The following TJP3 variants were observed in gnomAD, a reference collection of about 807,000 sequenced individuals.
TJP3 encodes the protein tight junction protein ZO-3.
Under a neutral mutation model 104.2 loss-of-function variants are expected in TJP3, and 85 were observed. The ratio of observed to expected loss-of-function variants is 0.82; its 90% CI spans 0.68 to 0.98. The LOEUF is 0.98. Ranked by LOEUF, TJP3 falls within the 50% of genes least tolerant of loss-of-function variation. The pLI, the probability that TJP3 is intolerant of heterozygous loss-of-function variation, is 0.00. For synonymous variants in TJP3, 550 were observed against 550.6 expected, an observed-to-expected ratio of 1.00 and a Z score of 0.02; for missense variants, 1,367 against 1,322.8, an observed-to-expected ratio of 1.03 and a Z score of -0.52.
chr19:3,736,170 G>T lies in TJP3; in HGVS notation c.1133G>T (p.Ser378Ile). 6.3e-7 allele frequency: 1 copy of T among 1,590,360 alleles called. No homozygotes were observed. Among genetic ancestry groups the T allele is most frequent in the East Asian group, 2.2e-5 (1 of 44,610 alleles). Residue 378 changes from serine to isoleucine, a missense_variant, in exon 11 of 21, where the codon AGC becomes ATC. Coordinates refer to ENST00000541714, the MANE Select transcript of TJP3 (RefSeq NM_001267560.2). ...SSQSMEDRGY[S>I]PDTRVVRFLK... is the part of the protein sequence containing the mutation. Reference sequence around the variant, plus strand: ...ATCTCTGCCTCCCCTTGCAGGTACAGCCCCGACACGCGTGTGGTCCGCTTC... The same window carrying T: ...ATCTCTGCCTCCCCTTGCAGGTACATCCCCGACACGCGTGTGGTCCGCTTC...
In TJP3 at chr19:3,737,983, G is replaced by T. The variant is rs193174254; in HGVS notation, c.1285-572G>T. On this transcript the variant is annotated intron_variant, in intron 11 of 20. Transcript: ENST00000541714. ...TATATTGCTGTCCATGTCATGACCC[G>T]GAGAGCAGGTGGCTGTATATTGCTG... is the stretch of plus-strand genomic sequence containing the variant. 4.0e-4 allele frequency among the ~76,000 whole-genome samples: 59 copies of T among 148,702 alleles called. 1 individual carries two copies. Among genetic ancestry groups the T allele is most frequent in the African/African-American group, 1.3e-3 (52 of 39,640 alleles).
intron 1 of TJP3, among the ~76,000 whole-genome samples, chr19:3,723,808 A>AATATATAT (rs201031463): frequency 7.8e-6 from 1 of 128,938 alleles, no homozygotes; most frequent in Admixed American, 7.9e-5. Context: ...AAAAAAAAAA[A>AATATATAT]ATATATATAT....
intron 1 of TJP3, among the ~76,000 whole-genome samples, chr19:3,728,059 G>T (rs533096076): frequency 6.6e-6 from 1 of 152,234 alleles, no homozygotes; most frequent in East Asian, 1.9e-4. Context: ...GGCCAATGTG[G>T]TGAAACCCTA....
intron 20 of TJP3, 81 bp downstream of exon 20, chr19:3,750,265 G>A: frequency 6.3e-7 from 1 of 1,582,504 alleles, no homozygotes; most frequent in Non-Finnish European, 8.7e-7. Context: ...CTAGATCCAA[G>A]CTATGCCTTC....
intron 1 of TJP3, among the ~76,000 whole-genome samples, chr19:3,723,129 G>A (rs1015845894): frequency 2.6e-5 from 4 of 152,212 alleles, no homozygotes; most frequent in Non-Finnish European, 5.9e-5. Context: ...CCCTAAGGGG[G>A]CCTGGTCCTA....
At chr19:3,748,470 C>T (rs2036937939) in intron 19 of TJP3, among the ~76,000 whole-genome samples, 1 of 151,540 alleles carries the variant, frequency 6.6e-6, no homozygotes, top group African/African-American at 2.4e-5. Context: ...CGGGGTTTCA[C>T]CATTGGTCAG....
intron 1 of TJP3, among the ~76,000 whole-genome samples, chr19:3,722,311 T>C: frequency 6.6e-6 from 1 of 152,154 alleles, no homozygotes. Context: ...TTTTAAGAGC[T>C]TGGCGCATCG....
chr19:3,747,951 G>T lies in TJP3; in HGVS notation c.2480G>T (p.Gly827Val). Residue 827 changes from glycine (G) to valine (V), a missense_variant, in exon 19 of 21, where the codon GGG (glycine) becomes GTG (valine). Coordinates refer to ENST00000541714, the MANE Select transcript of TJP3 (RefSeq NM_001267560.2). ...GGCGAGGGCTACACAGACGGCGAGGGGGGGCCCTACACGGATGTGGATGAT... is the reference window on the plus strand; with the variant it reads ...GGCGAGGGCTACACAGACGGCGAGGTGGGGCCCTACACGGATGTGGATGAT... ...TDGEGYTDGEGGPYTDVDDEP... is the reference protein window; with the variant it reads ...TDGEGYTDGEVGPYTDVDDEP... 3.7e-6 allele frequency: 6 copies of T among 1,613,090 alleles called. No homozygotes were observed. The highest frequency in any genetic ancestry group is 4.2e-6 in the Non-Finnish European group (5 of 1,179,868).
At position 3,738,942 on chromosome 19, in the gene TJP3, T is replaced by G. The variant is rs1223442779; in HGVS notation, c.1439T>G (p.Ile480Ser). The change falls in exon 13 of 21, where the codon ATC (isoleucine) becomes AGC (serine). Residue 480 changes from isoleucine to serine, a missense_variant. Coordinates refer to ENST00000541714, the MANE Select transcript of TJP3 (RefSeq NM_001267560.2). ...VQSRVGDSFY[I>S]RTHFELEPSP... The stretch of plus-strand genomic sequence containing the variant: ...TCCCGCGTGGGTGACTCCTTCTACA[T>G]CCGCACTCACTTTGAGCTGGAGCCC... 10 of 1,612,652 alleles carry G rather than the reference T, an allele frequency of 6.2e-6. No individual in the cohort carries two copies. The highest frequency in any genetic ancestry group is 1.3e-5 in the African/African-American group (1 of 75,030).
intron 1 of TJP3, among the ~76,000 whole-genome samples, chr19:3,716,801 A>ATATATTTTTT (rs1421328174): frequency 8.5e-5 from 7 of 81,936 alleles, no homozygotes; most frequent in African/African-American, 3.4e-4. Flanking sequence ...ATATATATAT[A>ATATATTTTTT]TTTTTTTTTT....
chr19:3,728,235 G>A (rs969824209), intron 1 of TJP3, 189 bp from the exon 2 acceptor site: 1 of 925,878 alleles, frequency 1.1e-6, no homozygotes, highest in African/African-American at 1.7e-5. Flanking sequence ...GCCAGACTCT[G>A]TCTCAAAAAA....
chr19:3,747,915 C>T lies in TJP3; in HGVS notation c.2444C>T (p.Ala815Val), dbSNP rs150992573. ...TACGAGACGGACGGCGAGGGCGGCGCGTACACGGATGGCGAGGGCTACACA... is the reference window on the plus strand; with the variant it reads ...TACGAGACGGACGGCGAGGGCGGCGTGTACACGGATGGCGAGGGCTACACA... ...SDYETDGEGGAYTDGEGYTDG... is the reference protein window; with the variant it reads ...SDYETDGEGGVYTDGEGYTDG... The change falls in exon 19 of 21, where the codon GCG becomes GTG. Residue 815 changes from alanine (A) to valine (V), a missense_variant. Physicochemically the swap from Ala to Val is moderately conservative, Grantham distance 64. Coordinates refer to ENST00000541714, the MANE Select transcript of TJP3 (RefSeq NM_001267560.2). The T allele has an allele frequency of 9.0e-5, 146 of 1,613,274 alleles. No individual in the cohort carries two copies. In the African/African-American group the frequency reaches 1.6e-3, roughly 18 times the overall value.
Position 3,740,664 on chromosome 19 carries a change from C to G in TJP3, c.1744C>G (p.Arg582Gly). Residue 582 changes from arginine (R) to glycine (G), a missense_variant, in exon 14 of 21, where the codon CGA becomes GGA. Arg to Gly is a moderately radical substitution (Grantham distance 125). Coordinates refer to ENST00000541714, the MANE Select transcript of TJP3 (RefSeq NM_001267560.2). ...GTTCTGGCGGCTGCGGGGTCTTCGT[C>G]GAGGAGCCAAGAAGACCACTCAGCG... ...AEFWRLRGLR[R>G]GAKKTTQRSR... 6.2e-7 allele frequency: 1 copy of G among 1,607,778 alleles called. No individual in the cohort carries two copies. The highest frequency in any genetic ancestry group is 8.5e-7 in the Non-Finnish European group (1 of 1,177,724).
At chr19:3,720,359 T>G (rs964539530) in intron 1 of TJP3, among the ~76,000 whole-genome samples, 14 of 152,228 alleles carry the variant, frequency 9.2e-5, no homozygotes, top group African/African-American at 3.1e-4. Context: ...GGGGACCCTC[T>G]AAGACTTTGA....
chr19:3,744,394 G>A (rs1490279685), intron 15 of TJP3, among the ~76,000 whole-genome samples: 3 of 152,100 alleles, frequency 2.0e-5, no homozygotes, highest in South Asian at 4.1e-4. Context: ...GGCCGGGTGC[G>A]GTGGCTCATG....
At chr19:3,721,652 A>G in intron 1 of TJP3, 2 of 323,788 alleles carry the variant, frequency 6.2e-6, no homozygotes, top group Non-Finnish European at 5.6e-6. Flanking sequence ...GGAGGTGGGG[A>G]GAGAAACCTC....
intron 19 of TJP3, chr19:3,749,724 C>T (rs1449020515): frequency 4.6e-6 from 1 of 215,540 alleles, no homozygotes; most frequent in Non-Finnish European, 9.3e-6. Context: ...CACACCCTCT[C>T]TAGGTCAATG....
chr19:3,730,606 C>T lies in TJP3; in HGVS notation c.513C>T (p.Ala171=), dbSNP rs1464530791. Residue 171 remains alanine, a synonymous_variant, in exon 5 of 21, where the codon GCC becomes GCT. Coordinates refer to ENST00000541714, the MANE Select transcript of TJP3 (RefSeq NM_001267560.2). This position sits in a 1 kb window ranked among gnomAD's most constrained non-coding sequence, Gnocchi z 7.3. ...GRRSPGGGSE[A]NGLALVSGFK... Reference sequence around the variant, plus strand: ...GGAGCCCAGGTGGTGGCTCTGAGGCCAACGGGCTGGCCCTGGTGTCCGGCT... The same window carrying T: ...GGAGCCCAGGTGGTGGCTCTGAGGCTAACGGGCTGGCCCTGGTGTCCGGCT... 2 of 1,611,444 alleles carry T rather than the reference C, an allele frequency of 1.2e-6. No individual in the cohort carries two copies. The highest frequency in any genetic ancestry group is 1.7e-6 in the Non-Finnish European group (2 of 1,179,868).
Position 3,730,222 on chromosome 19 carries a change from C to A in TJP3, c.261+92C>A. ...TTGTAAGCTTCTGAGAGCAAGGAGT[C>A]ATCTTCTCATCTTACAGTTTGGACA... is the stretch of plus-strand genomic sequence containing the variant. On this transcript the variant is annotated intron_variant, in intron 4 of 20. Coordinates refer to ENST00000541714, the MANE Select transcript of TJP3 (RefSeq NM_001267560.2). This position sits in a 1 kb window ranked among gnomAD's most constrained non-coding sequence, Gnocchi z 7.3. 6.6e-7 allele frequency: 1 copy of A among 1,513,178 alleles called. No homozygotes were observed. The highest frequency in any genetic ancestry group is 1.1e-5 in the South Asian group (1 of 87,930). The allele number at this position is 1,513,178 out of a possible 1,614,324, so 93.7% of individuals were successfully genotyped here. A position where few individuals can be genotyped will look rare whatever the true frequency, so the allele number is the denominator to read the frequency against.
Sources: gnomAD v4.1 joint callset for allele counts (sites outside exome capture counted in the v4.1 genomes callset) on GRCh38, gnomAD v4.1.1 for gene constraint, Gnocchi (gnomAD v3.1) non-coding constraint, MANE v1.5 for transcripts, NCBI Gene and HGNC (gene_info 2026-07-23, HGNC 2026-07-21) for gene names.